The following ANKRD36 variants were observed in gnomAD, a reference collection of about 807,000 sequenced individuals.
The protein encoded by ANKRD36 is ankyrin repeat domain 36.
Under a neutral mutation model 278.1 loss-of-function variants are expected in ANKRD36, and 179 were observed. The ratio of observed to expected loss-of-function variants is 0.64; its 90% CI spans 0.57 to 0.73. The LOEUF is 0.73. Among genes scored for constraint, ANKRD36 ranks in the 30% least tolerant of loss-of-function variants. The pLI is 0.00. For synonymous variants in ANKRD36, 320 were observed against 641.1 expected, an observed-to-expected ratio of 0.50 and a Z score of 7.57; for missense variants, 1,159 against 1,956.7, an observed-to-expected ratio of 0.59 and a Z score of 7.69.
intron 17 of ANKRD36, among the ~76,000 whole-genome samples, chr2:97,159,943 G>A (rs1293952861): frequency 3.9e-5 from 6 of 152,012 alleles, no homozygotes; most frequent in Non-Finnish European, 7.4e-5. Context: ...CATCACGCCC[G>A]GCTAATTTTT....
intron 22 of ANKRD36, among the ~76,000 whole-genome samples, chr2:97,176,811 G>A (rs1467636182): frequency 6.6e-6 from 1 of 151,522 alleles, no homozygotes; most frequent in East Asian, 1.9e-4. Flanking sequence ...GCTCTTTTAG[G>A]GCAGGCCTGG....
intron 26 of ANKRD36, among the ~76,000 whole-genome samples, chr2:97,182,487 G>A (rs1279777426): frequency 2.7e-5 from 4 of 148,732 alleles, no homozygotes; most frequent in African/African-American, 9.8e-5. Flanking sequence ...TTATTCAAAT[G>A]AGATAAACAT....
At position 97,245,830 on chromosome 2, in the gene ANKRD36, A is replaced by AGGACCTTG. The variant is rs2075321340; in HGVS notation, c.5165_5166insGGACCTTG (p.Leu1723AspfsTer4). On this transcript the variant is annotated frameshift_variant, in exon 71 of 76. Transcript: ENST00000420699. LOFTEE classifies it high-confidence loss of function. ...ATAGAAAAACAGGAAAGATTTTGTC[A>AGGACCTTG]ACTAAAAAAACAAAATATGTTGCTT... is the stretch of plus-strand genomic sequence containing the variant. The AGGACCTTG allele has an allele frequency of 3.6e-5, 19 of 530,866 alleles. No homozygotes were observed. The East Asian group carries it at 6.1e-4, about 17-fold the overall frequency. The allele number at this position is 530,866 out of a possible 1,614,324, so 32.9% of individuals were successfully genotyped here.
chr2:97,140,029 T>C (rs932279369), intron 6 of ANKRD36, among the ~76,000 whole-genome samples: 1 of 151,564 alleles, frequency 6.6e-6, no homozygotes, highest in African/African-American at 2.4e-5. Flanking sequence ...TGTGTGTGTT[T>C]GTGTGTGTGT....
intron 1 of ANKRD36, among the ~76,000 whole-genome samples, chr2:97,117,136 C>G (rs1018248903): frequency 4.6e-5 from 7 of 150,832 alleles, no homozygotes; most frequent in African/African-American, 1.2e-4. Flanking sequence ...ACTTATGACA[C>G]TCTCAAATAC....
At chr2:97,228,314 T>G (rs1443096350) in intron 67 of ANKRD36, among the ~76,000 whole-genome samples, 17 of 152,026 alleles carry the variant, frequency 1.1e-4, no homozygotes, top group East Asian at 2.0e-4. Flanking sequence ...CAATTTCAGA[T>G]CCTGTTATTG....
Position 97,192,975 on chromosome 2 carries a change from A to C in ANKRD36, c.2377-6A>C. 6.3e-7 allele frequency: 1 copy of C among 1,584,228 alleles called. No homozygotes were observed. The highest frequency in any genetic ancestry group is 8.6e-7 in the Non-Finnish European group (1 of 1,165,332). On this transcript the variant is annotated splice_region_variant and splice_polypyrimidine_tract_variant and intron_variant, in intron 37 of 75. Transcript: ENST00000420699. Reference sequence around the variant, plus strand: ...AATTTATTATTTCATTTGAAATTCCATTCAGGCTACAAGTGACGAGGAAGG... The same window carrying C: ...AATTTATTATTTCATTTGAAATTCCCTTCAGGCTACAAGTGACGAGGAAGG...
intron 67 of ANKRD36, among the ~76,000 whole-genome samples, chr2:97,230,552 CAAAGT>C (rs1187809063): frequency 6.6e-6 from 1 of 152,006 alleles, no homozygotes; most frequent in Non-Finnish European, 1.5e-5. Flanking sequence ...AATTTTTTTT[CAAAGT>C]TTTTAACTTC....
intron 44 of ANKRD36, among the ~76,000 whole-genome samples, chr2:97,200,072 G>A (rs1462840154): frequency 6.6e-6 from 1 of 151,860 alleles, no homozygotes; most frequent in African/African-American, 2.4e-5. Flanking sequence ...TCCACATTGA[G>A]ATTGACACGG....
intron 58 of ANKRD36, among the ~76,000 whole-genome samples, chr2:97,212,356 T>C (rs2064896040): frequency 6.6e-6 from 1 of 151,872 alleles, no homozygotes; most frequent in South Asian, 2.1e-4. Flanking sequence ...AGCAGGAAAC[T>C]ATGCTAGAAT....
At position 97,210,808 on chromosome 2, in the gene ANKRD36, G is replaced by A. The variant is rs75375521; in HGVS notation, c.3368-738G>A. Reference sequence around the variant, plus strand: ...AACTGATTAATATCTAATGCTTGTAGCAGTTTTACTTTGAAGAAGTATGTC... The same window carrying A: ...AACTGATTAATATCTAATGCTTGTAACAGTTTTACTTTGAAGAAGTATGTC... On this transcript the variant is annotated intron_variant, in intron 56 of 75. Coordinates refer to ENST00000420699, the MANE Select transcript of ANKRD36 (RefSeq NM_001354587.1). Among the ~76,000 whole-genome samples, 23 of 151,956 alleles carry A rather than the reference G, an allele frequency of 1.5e-4. No individual in the cohort carries two copies. The East Asian group carries it at 4.3e-3, about 29-fold the overall frequency.
intron 15 of ANKRD36, among the ~76,000 whole-genome samples, chr2:97,155,416 T>C (rs1171219726): frequency 1.4e-5 from 2 of 145,694 alleles, no homozygotes; most frequent in Non-Finnish European, 3.1e-5. Context: ...AAGACCAAGC[T>C]TGGCAATACA....
chr2:97,211,023 C>G (rs1325354042), intron 56 of ANKRD36, among the ~76,000 whole-genome samples: 2 of 151,972 alleles, frequency 1.3e-5, no homozygotes, highest in South Asian at 4.2e-4. Context: ...CCAAGGTGAT[C>G]AATTTAGGAC....
intron 8 of ANKRD36, among the ~76,000 whole-genome samples, chr2:97,143,247 A>ACTT (rs1461796485): frequency 1.3e-4 from 20 of 151,960 alleles, no homozygotes; most frequent in Non-Finnish European, 2.6e-4. Flanking sequence ...TAGAAAGAGA[A>ACTT]CTAAGGAGAC....
chr2:97,136,853 A>G (rs2041641943), intron 6 of ANKRD36, among the ~76,000 whole-genome samples: 1 of 152,020 alleles, frequency 6.6e-6, no homozygotes, highest in Non-Finnish European at 1.5e-5. Context: ...ATTTTCTGTC[A>G]GTGTGATAGG....
At chr2:97,187,494 G>GGCCCCCC in intron 32 of ANKRD36, 93 bp downstream of exon 32, 1 of 95,518 alleles carries the variant, frequency 1.0e-5, no homozygotes, top group Non-Finnish European at 2.1e-5. Context: ...GGGTGGGGGG[G>GGCCCCCC]CTCGCCGAAG....
chr2:97,165,495 G>A (rs1332324532), intron 20 of ANKRD36, among the ~76,000 whole-genome samples: 1 of 152,114 alleles, frequency 6.6e-6, no homozygotes. Flanking sequence ...CAGATACCCC[G>A]AGTATAGCTG....
In ANKRD36 at chr2:97,200,797, T is replaced by C. The variant is rs1378043005; in HGVS notation, c.2857+272T>C. On this transcript the variant is annotated intron_variant, in intron 46 of 75. Coordinates refer to ENST00000420699, the MANE Select transcript of ANKRD36 (RefSeq NM_001354587.1). Reference sequence around the variant, plus strand: ...AGGGGCTCTGGGGCCCAGCATAATTTTGCTTTAATTCTGTAGCATCTTTTC... The same window carrying C: ...AGGGGCTCTGGGGCCCAGCATAATTCTGCTTTAATTCTGTAGCATCTTTTC... 3.9e-5 allele frequency among the ~76,000 whole-genome samples: 6 copies of C among 151,988 alleles called. No individual in the cohort carries two copies. The East Asian group carries it at 7.8e-4, about 20-fold the overall frequency.
Position 97,211,725 on chromosome 2 carries a change from A to G in ANKRD36, c.3453A>G (p.Glu1151=). 3.8e-6 allele frequency: 6 copies of G among 1,585,670 alleles called. No individual in the cohort carries two copies. Among genetic ancestry groups the G allele is most frequent in the Non-Finnish European group, 5.1e-6 (6 of 1,166,912 alleles). The change falls in exon 58 of 76, where the codon GAA becomes GAG. Residue 1151 remains glutamate (E), a synonymous_variant. Transcript: ENST00000420699. ...ATATGGCCACGGAAAAAAAGGATGA[A>G]CAAATATCTGGGACAGGTAATTTTG... ...VPNMATEKKD[E]QISGTVSCQK...
Sources: allele counts gnomAD v4.1 joint callset (sites outside exome capture counted in the v4.1 genomes callset), GRCh38; gene constraint gnomAD v4.1.1; transcripts MANE v1.5; gene names NCBI Gene and HGNC (gene_info 2026-07-23, HGNC 2026-07-21).